The following HDLBP variants were observed in gnomAD, a reference collection of about 807,000 sequenced individuals.
The protein encoded by HDLBP is vigilin.
Under a neutral mutation model 137.3 loss-of-function variants are expected in HDLBP, and 30 were observed. The observed-to-expected ratio is 0.22, with a 90% CI of 0.16 to 0.30. HDLBP has a LOEUF of 0.30. Ranked by LOEUF, HDLBP falls within the 10% of genes least tolerant of loss-of-function variation. The probability of loss-of-function intolerance (pLI) is 1.00; values close to 1 mark genes in which losing one functional copy is unlikely to be tolerated. For missense variants in HDLBP, 1,119 were observed against 1,667.3 expected, an observed-to-expected ratio of 0.67 and a Z score of 5.73; for synonymous variants, 606 against 596.0, an observed-to-expected ratio of 1.02 and a Z score of -0.24.
chr2:241,253,464 T>C lies in HDLBP; in HGVS notation c.1222A>G (p.Ile408Val). Residue 408 changes from isoleucine to valine, a missense_variant, in exon 10 of 28, where the codon ATC (isoleucine) becomes GTC (valine). Around this residue, in one of 4 missense-constraint regions of HDLBP, gnomAD observed 425 missense variants for 693.9 expected, o/e 0.61. Transcript: ENST00000310931. ...HIEFTEGEDKITLEGPTEDVN... is the reference protein window; with the variant it reads ...HIEFTEGEDKVTLEGPTEDVN... ...TCCTCTGTAGGGCCCTCCAGGGTGA[T>C]CTTGTCTTCGCCCTCTGTGAACTCG... 1 of 1,613,662 alleles carries C rather than the reference T, an allele frequency of 6.2e-7. No homozygotes were observed. The highest frequency in any genetic ancestry group is 8.5e-7 in the Non-Finnish European group (1 of 1,179,564).
At chr2:241,263,431 C>CT (rs2073366342) in intron 4 of HDLBP, among the ~76,000 whole-genome samples, 1 of 152,152 alleles carries the variant, frequency 6.6e-6, no homozygotes, top group Non-Finnish European at 1.5e-5. Context: ...AGGCATTCTG[C>CT]TTGATGGTGC....
At chr2:241,279,606 G>A (rs1394829823) in intron 1 of HDLBP, among the ~76,000 whole-genome samples, 13 of 152,188 alleles carry the variant, frequency 8.5e-5, no homozygotes, top group African/African-American at 3.1e-4. Context: ...ATGTGGTCGT[G>A]TGGATCAGCA....
Position 241,240,725 on chromosome 2 carries a change from C to T in HDLBP, c.2170-603G>A, listed in dbSNP as rs1216869527. On this transcript the variant is annotated intron_variant, in intron 17 of 27. Transcript: ENST00000310931. This position sits in a 1 kb window ranked among gnomAD's most constrained non-coding sequence, Gnocchi z 5.5. ...GTTAGAGACCGGTCCTCAGAGGCCTCGTGTAGTGCGACGCCCTTGTGTGGC... is the reference window on the plus strand; with the variant it reads ...GTTAGAGACCGGTCCTCAGAGGCCTTGTGTAGTGCGACGCCCTTGTGTGGC... Among the ~76,000 whole-genome samples the T allele has an allele frequency of 6.6e-6, 1 of 152,042 alleles. No homozygotes were observed. Among genetic ancestry groups the T allele is most frequent in the Non-Finnish European group, 1.5e-5 (1 of 68,008 alleles).
At chr2:241,274,458 A>C (rs1441395459) in intron 1 of HDLBP, among the ~76,000 whole-genome samples, 1 of 152,200 alleles carries the variant, frequency 6.6e-6, no homozygotes, top group Non-Finnish European at 1.5e-5. Context: ...GGGATTAACC[A>C]ATCAGCAACT....
In HDLBP at chr2:241,264,604, AACTG is replaced by A; in HGVS notation, c.77-3_77del. 1 of 1,613,842 alleles carries A rather than the reference AACTG, an allele frequency of 6.2e-7. No homozygotes were observed. Among genetic ancestry groups the A allele is most frequent in the Non-Finnish European group, 8.5e-7 (1 of 1,179,886 alleles). On this transcript the variant is annotated splice_acceptor_variant and splice_polypyrimidine_tract_variant and coding_sequence_variant and intron_variant, in exon 4 of 28. Coordinates refer to ENST00000310931, the MANE Select transcript of HDLBP (RefSeq NM_005336.6). LOFTEE classifies it high-confidence loss of function. ...TCTCCTCTTCTGAATTTAGAGTGGC[AACTG>A]GACCAGCCAACACAGATTAAAAGGA...
intron 7 of HDLBP, 96 bp downstream of exon 7, chr2:241,256,088 A>C (rs2072592113): frequency 4.9e-6 from 5 of 1,026,042 alleles, no homozygotes; most frequent in Non-Finnish European, 5.9e-6. Context: ...AAGGACAAAA[A>C]GATAAGGGGC....
intron 10 of HDLBP, 110 bp downstream of exon 10, chr2:241,253,283 C>T (rs1226210313): frequency 1.2e-5 from 10 of 819,056 alleles, no homozygotes; most frequent in East Asian, 2.4e-5. Context: ...CTAGGATGCC[C>T]TGGGTGTCTG....
intron 1 of HDLBP, among the ~76,000 whole-genome samples, chr2:241,305,995 C>T (rs1271717474): frequency 5.3e-5 from 8 of 151,784 alleles, no homozygotes; most frequent in Admixed American, 1.3e-4. Context: ...CTCCTGACCT[C>T]GTGATCCACC....
chr2:241,236,411 G>C (rs141107820), intron 21 of HDLBP: 3 of 596,644 alleles, frequency 5.0e-6, no homozygotes, highest in Non-Finnish European at 8.9e-6. Flanking sequence ...ATAGAACCCC[G>C]AGCCTTGGTG....
chr2:241,273,886 TGGCAGGGGAGGGGAG>T (rs368320687), intron 1 of HDLBP, among the ~76,000 whole-genome samples: 7 of 145,774 alleles, frequency 4.8e-5, no homozygotes, highest in African/African-American at 1.8e-4. Context: ...TGACACTAAG[TGGCAGGGGAGGGGAG>T]GGCAGGGGAG....
chr2:241,240,460 G>A lies in HDLBP; in HGVS notation c.2170-338C>T, dbSNP rs1470578349. 2.0e-5 allele frequency among the ~76,000 whole-genome samples: 3 copies of A among 151,638 alleles called. No homozygotes were observed. The highest frequency in any genetic ancestry group is 6.6e-5 in the Admixed American group (1 of 15,200). On this transcript the variant is annotated intron_variant, in intron 17 of 27. Coordinates refer to ENST00000310931, the MANE Select transcript of HDLBP (RefSeq NM_005336.6). The surrounding 1 kb of genome is among the most constrained non-coding windows in gnomAD (Gnocchi z 5.5). ...GGGAGGTGGGAGCAACGCGCCGGACGATATGTTGGCGGAGTGCACGTCCTG... is the reference window on the plus strand; with the variant it reads ...GGGAGGTGGGAGCAACGCGCCGGACAATATGTTGGCGGAGTGCACGTCCTG...
intron 24 of HDLBP, among the ~76,000 whole-genome samples, chr2:241,232,360 C>A (rs945676076): frequency 2.0e-5 from 3 of 151,946 alleles, no homozygotes; most frequent in Non-Finnish European, 2.9e-5. Context: ...ACTGCAGCCT[C>A]CGCCTCCTGC....
At position 241,229,374 on chromosome 2, in the gene HDLBP, G is replaced by A. The variant is rs748274762; in HGVS notation, c.*227C>T. 6.3e-6 allele frequency: 3 copies of A among 478,060 alleles called. No homozygotes were observed. The highest frequency in any genetic ancestry group is 1.2e-5 in the Non-Finnish European group (3 of 260,316). The allele number at this position is 478,060 out of a possible 1,614,324, so 29.6% of individuals were successfully genotyped here. ...CTGTTATCTTAGCACGAATGCTCAT[G>A]ACCTTGGTTTAGTGTTAAACAGTGG... On this transcript the variant is annotated 3_prime_UTR_variant, in exon 28 of 28. Transcript: ENST00000310931.
At chr2:241,256,083 CA>C in intron 7 of HDLBP, 100 bp downstream of exon 7, 2 of 993,072 alleles carry the variant, frequency 2.0e-6, no homozygotes, top group South Asian at 1.5e-5. Flanking sequence ...TCATCAAGGA[CA>C]AAAAGATAAG....
intron 5 of HDLBP, among the ~76,000 whole-genome samples, chr2:241,261,346 G>C (rs2073160688): frequency 6.6e-6 from 1 of 152,200 alleles, no homozygotes; most frequent in African/African-American, 2.4e-5. Flanking sequence ...GATGAGGAAA[G>C]TCCAAACAGA....
chr2:241,293,090 C>T (rs528783557), intron 1 of HDLBP, among the ~76,000 whole-genome samples: 9 of 152,310 alleles, frequency 5.9e-5, no homozygotes, highest in African/African-American at 2.2e-4. Context: ...TAAAGCTACA[C>T]TCACAGGGTG....
chr2:241,262,702 G>A lies in HDLBP; in HGVS notation c.450+9C>T. 2.5e-6 allele frequency: 4 copies of A among 1,608,470 alleles called. No homozygotes were observed. The highest frequency in any genetic ancestry group is 3.4e-6 in the Non-Finnish European group (4 of 1,175,808). On this transcript the variant is annotated intron_variant, in intron 5 of 27. Coordinates refer to ENST00000310931, the MANE Select transcript of HDLBP (RefSeq NM_005336.6). ...GTCACTGGGGAGAAGTAGGCCTCAGGCTACCCACCTGAGTCTGCAGTCTAG... is the reference window on the plus strand; with the variant it reads ...GTCACTGGGGAGAAGTAGGCCTCAGACTACCCACCTGAGTCTGCAGTCTAG...
chr2:241,250,051 G>T, intron 11 of HDLBP, 71 bp from the exon 12 acceptor site: 1 of 1,467,748 alleles, frequency 6.8e-7, no homozygotes, highest in Non-Finnish European at 9.2e-7. Flanking sequence ...TAACTGGGCA[G>T]GACAGCGCTA....
intron 1 of HDLBP, among the ~76,000 whole-genome samples, chr2:241,310,616 T>C (rs2075730206): frequency 6.6e-6 from 1 of 151,110 alleles, no homozygotes; most frequent in African/African-American, 2.4e-5. Flanking sequence ...CTTAAGAAAA[T>C]TATGAGTGCC....
Sources: allele counts gnomAD v4.1 joint callset (sites outside exome capture counted in the v4.1 genomes callset), GRCh38; gene constraint gnomAD v4.1.1; regional missense constraint gnomAD v4.1.1; non-coding constraint Gnocchi (gnomAD v3.1); transcripts MANE v1.5; gene names NCBI Gene and HGNC (gene_info 2026-07-23, HGNC 2026-07-21).